The following UTP11 variants were observed in gnomAD, a reference collection of about 807,000 sequenced individuals.
UTP11 encodes the protein probable U3 small nucleolar RNA-associated protein 11.
Under a neutral mutation model 39.0 loss-of-function variants are expected in UTP11, and 29 were observed. That is an observed-to-expected ratio of 0.74 (90% CI 0.55 to 1.01). The LOEUF (loss-of-function observed/expected upper bound fraction) is 1.01. Among genes scored for constraint, UTP11 ranks in the 50% least tolerant of loss-of-function variants. The pLI, the probability that UTP11 is intolerant of heterozygous loss-of-function variation, is 0.00. For missense variants in UTP11, 281 were observed against 306.0 expected (o/e 0.92, Z 0.61); for synonymous variants, 111 against 105.0 (o/e 1.06, Z -0.35).
intron 6 of UTP11, 72 bp downstream of exon 6, chr1:38,019,455 TTGCTACTGCATTTAAAATAA>T: frequency 7.7e-7 from 1 of 1,300,940 alleles, no homozygotes; most frequent in Non-Finnish European, 1.0e-6. Context: ...TTTTTTTTTT[TTGCTACTGCATTTAAAATAA>T]TTTTTAAAAT....
chr1:38,012,796 T>C lies in UTP11; in HGVS notation c.-7T>C, dbSNP rs1174654047. On this transcript the variant is annotated 5_prime_UTR_variant, in exon 1 of 8. Coordinates refer to ENST00000373014, the MANE Select transcript of UTP11 (RefSeq NM_016037.4). Reference sequence around the variant, plus strand: ...TCTCCACTGATCTTTTCCAAGGCTGTACAGACATGGCGGCGGCTTTTCGGA... The same window carrying C: ...TCTCCACTGATCTTTTCCAAGGCTGCACAGACATGGCGGCGGCTTTTCGGA... 3.7e-6 allele frequency: 6 copies of C among 1,614,082 alleles called. No individual in the cohort carries two copies. The Admixed American group carries it at 8.3e-5, about 22-fold the overall frequency.
chr1:38,019,890 A>G (rs1557770350), intron 6 of UTP11, among the ~76,000 whole-genome samples: 3 of 152,124 alleles, frequency 2.0e-5, no homozygotes, highest in Admixed American at 6.5e-5. Flanking sequence ...CCTAATTTCT[A>G]TGATCGGAGG....
At chr1:38,019,447 T>TG (rs1239841405) in intron 6 of UTP11, 64 bp downstream of exon 6, 2 of 1,366,764 alleles carry the variant, frequency 1.5e-6, no homozygotes, top group African/African-American at 3.0e-5. Context: ...TTTTTTGTTT[T>TG]TTTTTTTTTG....
chr1:38,014,989 G>A (rs1024287821), intron 1 of UTP11, among the ~76,000 whole-genome samples: 5 of 151,974 alleles, frequency 3.3e-5, no homozygotes, highest in Non-Finnish European at 4.4e-5. Flanking sequence ...AAAGATGACT[G>A]TTAAAAATCC....
chr1:38,024,670 G>A lies in UTP11; in HGVS notation c.*1042G>A, dbSNP rs1014077721. The A allele has an allele frequency of 6.6e-6, 1 of 151,372 alleles. No homozygotes were observed. Among genetic ancestry groups the A allele is most frequent in the African/African-American group, 2.4e-5 (1 of 41,162 alleles). 9.4% of individuals were successfully genotyped at this position (151,372 alleles called of 1,614,324 possible). ...GATCCACCCGCCTCGGCCTCCCAAA[G>A]TGCTGGGATTACAGGCGTGAGCCAC... is the stretch of plus-strand genomic sequence containing the variant. On this transcript the variant is annotated 3_prime_UTR_variant, in exon 8 of 8. Transcript: ENST00000373014.
intron 1 of UTP11, 104 bp downstream of exon 1, chr1:38,012,969 A>G (rs1646686805): frequency 4.4e-6 from 6 of 1,359,030 alleles, no homozygotes; most frequent in Admixed American, 1.8e-5. Context: ...TGTATAGTAT[A>G]TAAATGCACG....
At chr1:38,020,470 G>A (rs902251280) in intron 6 of UTP11, among the ~76,000 whole-genome samples, 4 of 151,910 alleles carry the variant, frequency 2.6e-5, no homozygotes, top group African/African-American at 4.8e-5. Context: ...GGTGCTTTCC[G>A]TCACTGTAAC....
rs978873601 is a variant in UTP11 at position 38,024,512 on chromosome 1, C to T, written c.*884C>T. On this transcript the variant is annotated 3_prime_UTR_variant, in exon 8 of 8. Transcript: ENST00000373014. ...CCGCTTCCCGGGTTCACGCCATTCT[C>T]CTGCCTCAGCCTCCCGAGTAGCTGG... 1 of 151,066 alleles carries T rather than the reference C, an allele frequency of 6.6e-6. No individual in the cohort carries two copies. The highest frequency in any genetic ancestry group is 2.4e-5 in the African/African-American group (1 of 41,164). The allele number at this position is 151,066 out of a possible 1,614,324, so 9.4% of individuals were successfully genotyped here. A position where few individuals can be genotyped will look rare whatever the true frequency, so the allele number is the denominator to read the frequency against.
chr1:38,020,386 G>T (rs1055461995), intron 6 of UTP11, among the ~76,000 whole-genome samples: 1 of 152,184 alleles, frequency 6.6e-6, no homozygotes, highest in Non-Finnish European at 1.5e-5. Context: ...TTACAGGCGT[G>T]AGCCACCATG....
chr1:38,019,443 G>GTTTTT, intron 6 of UTP11, 60 bp downstream of exon 6: 1 of 956,198 alleles, frequency 1.0e-6, no homozygotes, highest in Non-Finnish European at 1.4e-6. Context: ...TTTTTTTTTT[G>GTTTTT]TTTTTTTTTT....
intron 6 of UTP11, among the ~76,000 whole-genome samples, chr1:38,022,072 A>G (rs1471253061): frequency 6.6e-6 from 1 of 152,228 alleles, no homozygotes; most frequent in Non-Finnish European, 1.5e-5. Flanking sequence ...TTCAGGCACC[A>G]GCACACTGCC....
intron 2 of UTP11, 174 bp from the exon 3 acceptor site, chr1:38,017,494 C>T (rs1377814953): frequency 6.2e-6 from 3 of 484,758 alleles, no homozygotes; most frequent in Non-Finnish European, 1.1e-5. Context: ...AAGACATGAG[C>T]TCAGCTCAGT....
At position 38,016,355 on chromosome 1, in the gene UTP11, C is replaced by G. The variant is rs747588605; in HGVS notation, c.64-4C>G. 6.2e-7 allele frequency: 1 copy of G among 1,614,150 alleles called. No homozygotes were observed. Among genetic ancestry groups the G allele is most frequent in the Non-Finnish European group, 8.5e-7 (1 of 1,179,982 alleles). On this transcript the variant is annotated splice_region_variant and splice_polypyrimidine_tract_variant and intron_variant, in intron 1 of 7. Transcript: ENST00000373014. Reference sequence around the variant, plus strand: ...GCACTGTTGTTCTTTCTTTTGTCTTCTAGCCTGGCTTTCGAAAACATCTGG... The same window carrying G: ...GCACTGTTGTTCTTTCTTTTGTCTTGTAGCCTGGCTTTCGAAAACATCTGG...
At chr1:38,018,993 G>T (rs971708846) in intron 4 of UTP11, 66 bp from the exon 5 acceptor site, 12 of 1,102,366 alleles carry the variant, frequency 1.1e-5, no homozygotes, top group Middle Eastern at 2.3e-4. Context: ...AACTTTTGCA[G>T]TTTTTTTTTT....
chr1:38,015,183 C>G (rs1025999995), intron 1 of UTP11, among the ~76,000 whole-genome samples: 1 of 152,042 alleles, frequency 6.6e-6, no homozygotes, highest in Non-Finnish European at 1.5e-5. Flanking sequence ...CCATCATGCC[C>G]GGCTAATTTT....
At chr1:38,022,866 A>G in intron 7 of UTP11, 57 bp downstream of exon 7, 2 of 1,230,844 alleles carry the variant, frequency 1.6e-6, no homozygotes, top group Non-Finnish European at 2.3e-6. Flanking sequence ...TCTTTCTTGT[A>G]AAGGTCTTAA....
chr1:38,020,357 G>C (rs1646729332), intron 6 of UTP11, among the ~76,000 whole-genome samples: 1 of 152,072 alleles, frequency 6.6e-6, no homozygotes, highest in Non-Finnish European at 1.5e-5. Flanking sequence ...TCCCGCCTTG[G>C]CCTCCTGAAG....
chr1:38,022,101 C>T (rs368653047), intron 6 of UTP11, among the ~76,000 whole-genome samples: 3 of 152,076 alleles, frequency 2.0e-5, no homozygotes, highest in African/African-American at 4.8e-5. Flanking sequence ...CTTCTGTTGC[C>T]GACTCTTCTG....
At chr1:38,016,536 C>A in intron 2 of UTP11, 116 bp downstream of exon 2, 2 of 1,075,824 alleles carry the variant, frequency 1.9e-6, no homozygotes, top group Non-Finnish European at 2.8e-6. Context: ...GATAAAATGG[C>A]CAAAGCTCTG....
Sources: allele counts gnomAD v4.1 joint callset (sites outside exome capture counted in the v4.1 genomes callset), GRCh38; gene constraint gnomAD v4.1.1; transcripts MANE v1.5; gene names NCBI Gene and HGNC (gene_info 2026-07-23, HGNC 2026-07-21).